Variants in FER observed in about 807,000 individuals in gnomAD.
FER encodes the protein FER tyrosine kinase.
FER carries 63 observed loss-of-function variants against 111.0 expected under a neutral mutation model. The ratio of observed to expected loss-of-function variants is 0.57; its 90% CI spans 0.46 to 0.70. FER has a LOEUF of 0.70. FER is among the 30% of genes least tolerant of loss of function. The pLI is 0.00. For missense variants in FER, 914 were observed against 954.0 expected (o/e 0.96, Z 0.55); for synonymous variants, 327 against 313.9 (o/e 1.04, Z -0.44).
chr5:108,897,535 A>G (rs1408157029), intron 9 of FER, 124 bp from the exon 10 acceptor site: 4 of 667,996 alleles, frequency 6.0e-6, no homozygotes, highest in Non-Finnish European at 6.8e-6. Flanking sequence ...TTAGTTTCAT[A>G]TTTTTTATGA....
intron 2 of FER, chr5:108,785,362 C>T (rs1754582354): frequency 5.2e-6 from 3 of 581,186 alleles, no homozygotes; most frequent in Admixed American, 3.9e-5. Flanking sequence ...CTGCCATGGG[C>T]CCCAGCATCA....
intron 16 of FER, among the ~76,000 whole-genome samples, chr5:109,052,815 C>A (rs1458197972): frequency 2.0e-5 from 3 of 152,172 alleles, no homozygotes; most frequent in African/African-American, 7.2e-5. Flanking sequence ...AGGCCATATT[C>A]AAATTCTGTC....
intron 13 of FER, among the ~76,000 whole-genome samples, chr5:109,011,850 G>T (rs1766314381): frequency 6.6e-6 from 1 of 152,158 alleles, no homozygotes; most frequent in South Asian, 2.1e-4. Context: ...CTTTGATTGT[G>T]GAAATCTAAT....
chr5:109,116,399 A>G (rs1258733009), intron 17 of FER, among the ~76,000 whole-genome samples: 1 of 150,484 alleles, frequency 6.6e-6, no homozygotes, highest in Non-Finnish European at 1.5e-5. Flanking sequence ...TTTTATGGAG[A>G]ATGCTCTGTC....
intron 17 of FER, among the ~76,000 whole-genome samples, chr5:109,158,617 G>C (rs984715272): frequency 2.0e-5 from 3 of 152,020 alleles, no homozygotes; most frequent in African/African-American, 7.2e-5. Flanking sequence ...TACCTCTCTT[G>C]AGAAATCTTT....
At chr5:108,793,459 A>G (rs534193119) in intron 2 of FER, among the ~76,000 whole-genome samples, 42 of 147,336 alleles carry the variant, frequency 2.9e-4, no homozygotes, top group African/African-American at 1.0e-3. Context: ...AATGCTGCAA[A>G]AAACATAGGA....
intron 16 of FER, among the ~76,000 whole-genome samples, chr5:109,075,294 T>C (rs2150004759): frequency 6.6e-6 from 1 of 152,204 alleles, no homozygotes; most frequent in East Asian, 1.9e-4. Flanking sequence ...TATCTAAGCA[T>C]GGTATGTTAA....
chr5:109,166,336 A>T (rs1226860263), intron 17 of FER, among the ~76,000 whole-genome samples: 1 of 152,096 alleles, frequency 6.6e-6, no homozygotes, highest in African/African-American at 2.4e-5. Flanking sequence ...TGAGAAGCCA[A>T]GACAGAAGAC....
rs191890942 is a variant in FER, at chr5:108,834,195, C to A, written c.381+1252C>A. Among the ~76,000 whole-genome samples the A allele has an allele frequency of 3.4e-3, 520 of 152,004 alleles. 3 individuals are homozygous for A. The highest frequency in any genetic ancestry group is 0.011 in the African/African-American group (473 of 41,448). The stretch of plus-strand genomic sequence containing the variant: ...ATCTTATGATGTGATTTCACATATT[C>A]CTTCATCTTTAATTTTTTCTGTAAA... On this transcript the variant is annotated intron_variant, in intron 4 of 19. Transcript: ENST00000281092.
chr5:108,871,286 A>C, intron 6 of FER, 79 bp from the exon 7 acceptor site: 1 of 1,177,860 alleles, frequency 8.5e-7, no homozygotes, highest in African/African-American at 1.5e-5. Context: ...TCTTATGCTT[A>C]TTGTTCTGAA....
At chr5:108,794,534 C>CG (rs143701125) in intron 2 of FER, among the ~76,000 whole-genome samples, 38 of 124,182 alleles carry the variant, frequency 3.1e-4, no homozygotes, top group South Asian at 6.2e-4. Context: ...GCACCCCCCC[C>CG]CCTCCCCGCA....
At chr5:109,056,524 A>G (rs1421852470) in intron 16 of FER, among the ~76,000 whole-genome samples, 1 of 152,192 alleles carries the variant, frequency 6.6e-6, no homozygotes, top group Non-Finnish European at 1.5e-5. Context: ...AGTCAGATAT[A>G]CAGAGATAGA....
chr5:109,175,663 C>T (rs115648645), intron 17 of FER, among the ~76,000 whole-genome samples: 2,235 of 152,268 alleles, frequency 0.015, 34 homozygotes, highest in South Asian at 0.022. Flanking sequence ...GAAGAGACAA[C>T]CTGTAGAATG....
At chr5:109,030,905 T>C (rs1293356564) in intron 13 of FER, among the ~76,000 whole-genome samples, 1 of 152,122 alleles carries the variant, frequency 6.6e-6, no homozygotes, top group Non-Finnish European at 1.5e-5. Flanking sequence ...TATTTCTCAG[T>C]TGGGAAGTGA....
chr5:108,982,198 T>G (rs1487021294), intron 13 of FER, among the ~76,000 whole-genome samples: 2 of 152,084 alleles, frequency 1.3e-5, no homozygotes, highest in Non-Finnish European at 2.9e-5. Context: ...CTAGGTGATT[T>G]GGATGTTCCC....
chr5:109,139,332 A>T (rs1395388889), intron 17 of FER, among the ~76,000 whole-genome samples: 1 of 118,860 alleles, frequency 8.4e-6, no homozygotes, highest in Admixed American at 8.6e-5. Context: ...CTATGTCTTT[A>T]CTTCTCCTTC....
intron 9 of FER, among the ~76,000 whole-genome samples, chr5:108,886,423 TATTATATA>T (rs1747174742): frequency 6.7e-6 from 1 of 148,602 alleles, no homozygotes. Flanking sequence ...TAAACATATA[TATTATATA>T]TAACATACAT....
chr5:108,835,495 C>G (rs1225687838), intron 4 of FER, among the ~76,000 whole-genome samples: 1 of 151,888 alleles, frequency 6.6e-6, no homozygotes, highest in African/African-American at 2.4e-5. Context: ...ATTTGCTATT[C>G]TCTTAAAAAA....
intron 3 of FER, chr5:108,830,887 C>T (rs959765538): frequency 1.6e-4 from 25 of 152,116 alleles, no homozygotes; most frequent in African/African-American, 5.3e-4. Flanking sequence ...ATGGAAAGTT[C>T]TGATAAGAGG....
Sources: allele counts gnomAD v4.1 joint callset (sites outside exome capture counted in the v4.1 genomes callset), GRCh38; gene constraint gnomAD v4.1.1; transcripts MANE v1.5; gene names NCBI Gene and HGNC (gene_info 2026-07-23, HGNC 2026-07-21).